Variants in PTPRJ observed in about 807,000 individuals in gnomAD.
PTPRJ encodes receptor-type tyrosine-protein phosphatase eta.
Under a neutral mutation model 141.3 loss-of-function variants are expected in PTPRJ, and 129 were observed. The ratio of observed to expected loss-of-function variants is 0.91; its 90% CI spans 0.79 to 1.06. PTPRJ has a LOEUF of 1.06. Among genes scored for constraint, PTPRJ ranks in the 50% least tolerant of loss-of-function variants. The pLI, the probability that PTPRJ is intolerant of heterozygous loss-of-function variation, is 0.00. For synonymous variants in PTPRJ, 610 were observed against 640.5 expected (o/e 0.95, Z 0.72); for missense variants, 1,601 against 1,679.7 (o/e 0.95, Z 0.82).
chr11:48,159,161 G>GTGTATGTGTA (rs60389100), intron 21 of PTPRJ, among the ~76,000 whole-genome samples: 13 of 130,520 alleles, frequency 1.0e-4, no homozygotes, highest in African/African-American at 3.8e-4. Flanking sequence ...GTGTGTGTGT[G>GTGTATGTGTA]GTCATTTGCC....
intron 1 of PTPRJ, among the ~76,000 whole-genome samples, chr11:47,986,600 T>A (rs1327299058): frequency 6.6e-6 from 1 of 152,182 alleles, no homozygotes; most frequent in Non-Finnish European, 1.5e-5. Context: ...TACTGCAACC[T>A]CCGCCTCCCG....
At chr11:48,033,435 G>A (rs1389319165) in intron 1 of PTPRJ, among the ~76,000 whole-genome samples, 5 of 152,100 alleles carry the variant, frequency 3.3e-5, no homozygotes, top group African/African-American at 4.8e-5. Context: ...GCTGTGGGAC[G>A]GGGTAAGATC....
At chr11:48,147,740 T>C (rs1857384251) in intron 15 of PTPRJ, among the ~76,000 whole-genome samples, 1 of 152,226 alleles carries the variant, frequency 6.6e-6, no homozygotes, top group Non-Finnish European at 1.5e-5. Context: ...CCAGGGAATC[T>C]CCATCCTGCC....
chr11:48,088,718 TTCTTA>T (rs1855779259), intron 1 of PTPRJ, among the ~76,000 whole-genome samples: 1 of 152,176 alleles, frequency 6.6e-6, no homozygotes, highest in Non-Finnish European at 1.5e-5. Flanking sequence ...ACATAAGAGC[TTCTTA>T]TGGCTCTTAT....
At chr11:48,028,040 T>C (rs1413982263) in intron 1 of PTPRJ, among the ~76,000 whole-genome samples, 3 of 152,116 alleles carry the variant, frequency 2.0e-5, no homozygotes, top group Non-Finnish European at 4.4e-5. Flanking sequence ...CCAGTGTTAA[T>C]AGTATTTCTT....
At chr11:48,039,934 G>A (rs191585612) in intron 1 of PTPRJ, among the ~76,000 whole-genome samples, 3 of 152,114 alleles carry the variant, frequency 2.0e-5, no homozygotes, top group Admixed American at 1.3e-4. Flanking sequence ...GAATACAGGC[G>A]CACACCACCA....
At chr11:47,993,808 A>T (rs558927787) in intron 1 of PTPRJ, among the ~76,000 whole-genome samples, 1 of 151,240 alleles carries the variant, frequency 6.6e-6, no homozygotes, top group East Asian at 1.9e-4. Flanking sequence ...CCCCAGGTTA[A>T]TTTGATTCCC....
At chr11:47,981,426 G>C (rs1284580171) in intron 1 of PTPRJ, among the ~76,000 whole-genome samples, 1 of 152,128 alleles carries the variant, frequency 6.6e-6, no homozygotes, top group African/African-American at 2.4e-5. Context: ...TTTGCCGACA[G>C]ACCTCCGACC....
At chr11:48,076,494 C>T (rs1027255236) in intron 1 of PTPRJ, among the ~76,000 whole-genome samples, 1 of 152,140 alleles carries the variant, frequency 6.6e-6, no homozygotes, top group African/African-American at 2.4e-5. Flanking sequence ...TTCAAAGGGG[C>T]CTTCTTCCCT....
intron 1 of PTPRJ, among the ~76,000 whole-genome samples, chr11:48,095,579 CTT>C (rs11378534): frequency 0.069 from 9,467 of 136,878 alleles, 843 homozygotes; most frequent in African/African-American, 0.22. Flanking sequence ...CAAACATATA[CTT>C]TTTTTTTTTT....
At chr11:48,141,855 A>T (rs1857235829) in intron 11 of PTPRJ, among the ~76,000 whole-genome samples, 1 of 151,240 alleles carries the variant, frequency 6.6e-6, no homozygotes, top group Admixed American at 6.6e-5. Flanking sequence ...TTGCTTGTCA[A>T]TTTTTGCTTT....
Position 48,149,428 on chromosome 11 carries a change from C to T in PTPRJ, c.3000-19C>T. 3 of 1,485,614 alleles carry T rather than the reference C, an allele frequency of 2.0e-6. No individual in the cohort carries two copies. The highest frequency in any genetic ancestry group is 2.8e-6 in the Non-Finnish European group (3 of 1,078,284). 92.0% of individuals were successfully genotyped at this position (1,485,614 alleles called of 1,614,324 possible). ...AGGAATCCTTTTTTGTCTAATGGGT[C>T]TCTTTTCTCTTAAAACAGGAAAGAT... On this transcript the variant is annotated intron_variant, in intron 15 of 24. Transcript: ENST00000418331.
At chr11:48,059,163 C>T (rs1161695301) in intron 1 of PTPRJ, among the ~76,000 whole-genome samples, 2 of 141,712 alleles carry the variant, frequency 1.4e-5, no homozygotes, top group Admixed American at 7.8e-5. Flanking sequence ...CTGTCCATTG[C>T]CCAGGCTGTA....
chr11:48,128,406 C>T (rs1219573013), intron 7 of PTPRJ, among the ~76,000 whole-genome samples: 1 of 152,128 alleles, frequency 6.6e-6, no homozygotes, highest in African/African-American at 2.4e-5. Flanking sequence ...CAAAAATGAC[C>T]TGGTATTCAT....
At chr11:48,109,295 A>T (rs974969046) in intron 1 of PTPRJ, among the ~76,000 whole-genome samples, 1 of 146,686 alleles carries the variant, frequency 6.8e-6, no homozygotes, top group Admixed American at 7.0e-5. Flanking sequence ...AAAAAAAAAA[A>T]TCTTATTCAC....
intron 22 of PTPRJ, among the ~76,000 whole-genome samples, chr11:48,161,918 T>C (rs1377682012): frequency 1.3e-5 from 2 of 152,194 alleles, no homozygotes; most frequent in East Asian, 3.9e-4. Context: ...CGGCCTGTCA[T>C]GCTTATTTCT....
chr11:48,139,833 G>A, intron 11 of PTPRJ, 57 bp downstream of exon 11: 1 of 1,564,730 alleles, frequency 6.4e-7, no homozygotes, highest in Non-Finnish European at 8.8e-7. Context: ...TGGAGCGGCT[G>A]ACCCACAGTG....
At chr11:48,070,660 T>C (rs1855223059) in intron 1 of PTPRJ, among the ~76,000 whole-genome samples, 1 of 152,182 alleles carries the variant, frequency 6.6e-6, no homozygotes, top group Admixed American at 6.5e-5. Flanking sequence ...CCTCAGCAAG[T>C]ATAGTTTAAT....
chr11:48,067,805 C>G (rs1414363489), intron 1 of PTPRJ, among the ~76,000 whole-genome samples: 1 of 152,108 alleles, frequency 6.6e-6, no homozygotes, highest in Non-Finnish European at 1.5e-5. Flanking sequence ...ATAGGAGAGG[C>G]CTGCAAAAAG....
Sources: allele counts gnomAD v4.1 joint callset (sites outside exome capture counted in the v4.1 genomes callset), GRCh38; gene constraint gnomAD v4.1.1; transcripts MANE v1.5; gene names NCBI Gene and HGNC (gene_info 2026-07-23, HGNC 2026-07-21).